The following TTC6 variants were observed in gnomAD, a reference collection of about 807,000 sequenced individuals.
TTC6 encodes tetratricopeptide repeat protein 6.
Under a neutral mutation model 210.4 loss-of-function variants are expected in TTC6, and 172 were observed. That is an observed-to-expected ratio of 0.82 (90% confidence interval 0.72 to 0.93). The LOEUF (loss-of-function observed/expected upper bound fraction) is 0.93. TTC6 is among the 40% of genes least tolerant of loss of function. The pLI is 0.00. For synonymous variants in TTC6, 804 were observed against 819.6 expected, an observed-to-expected ratio of 0.98 and a Z score of 0.32; for missense variants, 2,414 against 2,318.1, an observed-to-expected ratio of 1.04 and a Z score of -0.85.
chr14:37,638,800 A>AT (rs1187873567), intron 1 of TTC6, among the ~76,000 whole-genome samples: 2 of 152,280 alleles, frequency 1.3e-5, no homozygotes, highest in African/African-American at 4.8e-5. Context: ...CTGAATATGA[A>AT]TCTACAGTCA....
intron 1 of TTC6, among the ~76,000 whole-genome samples, chr14:37,676,129 A>G (rs1460687139): frequency 6.6e-6 from 1 of 152,190 alleles, no homozygotes; most frequent in East Asian, 1.9e-4. Flanking sequence ...TCTGAGAGGA[A>G]AAAACTTGCT....
chr14:37,754,175 C>T (rs1332758205), intron 14 of TTC6, among the ~76,000 whole-genome samples: 2 of 152,040 alleles, frequency 1.3e-5, no homozygotes, highest in African/African-American at 4.8e-5. Flanking sequence ...TACCCATCAA[C>T]CTGTCATCTA....
chr14:37,701,655 T>G, intron 5 of TTC6, 129 bp downstream of exon 7: 3 of 787,988 alleles, frequency 3.8e-6, no homozygotes, highest in African/African-American at 3.5e-5. Context: ...GCAGTTTTTG[T>G]TTTTTTCTGC....
intron 29 of TTC6, among the ~76,000 whole-genome samples, chr14:37,835,262 A>C (rs187891217): frequency 3.5e-4 from 54 of 152,270 alleles, no homozygotes; most frequent in African/African-American, 1.1e-3. Context: ...TTTACTTTTC[A>C]TTGTAGAAAT....
At chr14:37,721,916 GTA>G (rs200901025) in intron 6 of TTC6, among the ~76,000 whole-genome samples, 4 of 130,674 alleles carry the variant, frequency 3.1e-5, no homozygotes, top group African/African-American at 8.5e-5. Context: ...ATGTATATAT[GTA>G]TATATATATA....
chr14:37,771,074 G>T (rs997691348), intron 14 of TTC6, among the ~76,000 whole-genome samples: 118 of 146,792 alleles, frequency 8.0e-4, no homozygotes, highest in Non-Finnish European at 1.6e-3. Context: ...GCTTAGTTTG[G>T]CTGGATATGA....
At chr14:37,718,478 G>A (rs1025861961) in intron 6 of TTC6, among the ~76,000 whole-genome samples, 3 of 152,070 alleles carry the variant, frequency 2.0e-5, no homozygotes, top group Non-Finnish European at 4.4e-5. Context: ...AATGGTGAAA[G>A]CCTGATTGTT....
chr14:37,806,281 AT>A, intron 21 of TTC6, 79 bp from the exon 24 acceptor site: 1 of 1,341,880 alleles, frequency 7.5e-7, no homozygotes, highest in Non-Finnish European at 9.9e-7. Flanking sequence ...AACAATAATT[AT>A]ATACTGTAAT....
intron 7 of TTC6, among the ~76,000 whole-genome samples, chr14:37,732,629 A>T (rs8022823): frequency 1.0e-3 from 54 of 53,690 alleles, no homozygotes; most frequent in African/African-American, 2.1e-3. Context: ...TTATTTATTT[A>T]TTTTTTTGAG....
intron 7 of TTC6, among the ~76,000 whole-genome samples, chr14:37,730,516 G>T (rs1187686542): frequency 6.6e-6 from 1 of 152,136 alleles, no homozygotes; most frequent in Non-Finnish European, 1.5e-5. Context: ...TTCACTCTGT[G>T]CATCAATAAT....
At chr14:37,616,796 T>G (rs1004940889) in intron 2 of TTC6, among the ~76,000 whole-genome samples, 5 of 151,440 alleles carry the variant, frequency 3.3e-5, no homozygotes, top group African/African-American at 4.9e-5. Flanking sequence ...CTTTTGAAAC[T>G]GACAGCAGGC....
At chr14:37,682,703 G>C in intron 2 of TTC6, 55 bp from the exon 5 acceptor site, 1 of 1,446,476 alleles carries the variant, frequency 6.9e-7, no homozygotes, top group Non-Finnish European at 9.3e-7. Flanking sequence ...TCACTGAAAA[G>C]CCTAGAAGGA....
intron 14 of TTC6, among the ~76,000 whole-genome samples, chr14:37,755,947 A>G (rs542925873): frequency 6.6e-6 from 1 of 152,296 alleles, no homozygotes; most frequent in African/African-American, 2.4e-5. Context: ...TTTGGGCAGT[A>G]TGGCCATTTT....
chr14:37,797,438 T>A (rs1367992910), intron 20 of TTC6, among the ~76,000 whole-genome samples: 1 of 152,050 alleles, frequency 6.6e-6, no homozygotes, highest in South Asian at 2.1e-4. Context: ...TCTTTTTATG[T>A]TTATCAGCCA....
chr14:37,622,270 CAGCCCGGA>C lies in TTC6; in HGVS notation c.207_214del (p.Ala70ValfsTer8). ...CGCCCCGCGCGCGTTTCCTGCGCCG[CAGCCCGGA>C]CGTCGAGAAGATACCCTTCGCTTAA... On this transcript the variant is annotated frameshift_variant, in exon 1 of 31. Coordinates refer to ENST00000553443, the Ensembl canonical transcript of TTC6. LOFTEE classifies it high-confidence loss of function. 1 of 1,535,152 alleles carries C rather than the reference CAGCCCGGA, an allele frequency of 6.5e-7. No homozygotes were observed. Among genetic ancestry groups the C allele is most frequent in the Non-Finnish European group, 8.7e-7 (1 of 1,146,400 alleles).
At chr14:37,799,978 G>A (rs535506938) in intron 20 of TTC6, among the ~76,000 whole-genome samples, 2 of 152,266 alleles carry the variant, frequency 1.3e-5, no homozygotes, top group African/African-American at 4.8e-5. Context: ...AGAAATGTGT[G>A]TTGTTTTAAA....
intron 1 of TTC6, among the ~76,000 whole-genome samples, chr14:37,641,305 A>G (rs1402254779): frequency 6.6e-6 from 1 of 152,206 alleles, no homozygotes. Flanking sequence ...TATTCTTTAC[A>G]GTGTTTGTTT....
At chr14:37,804,221 G>A (rs1161857949) in intron 20 of TTC6, among the ~76,000 whole-genome samples, 2 of 152,148 alleles carry the variant, frequency 1.3e-5, no homozygotes, top group Non-Finnish European at 1.5e-5. Context: ...ACCCTATTAG[G>A]AGGACAGCAG....
chr14:37,705,881 T>C (rs1433426143), intron 5 of TTC6, among the ~76,000 whole-genome samples: 1 of 152,164 alleles, frequency 6.6e-6, no homozygotes, highest in African/African-American at 2.4e-5. Flanking sequence ...GGGGAAAGAA[T>C]GTTTTAGATC....
Sources: allele counts gnomAD v4.1 joint callset (sites outside exome capture counted in the v4.1 genomes callset), GRCh38; gene constraint gnomAD v4.1.1; transcripts MANE v1.5; gene names NCBI Gene and HGNC (gene_info 2026-07-23, HGNC 2026-07-21).